Variants in DNAJB6 observed in about 807,000 individuals in gnomAD.
DNAJB6 encodes DnaJ heat shock protein family (Hsp40) member B6.
A neutral mutation model predicts 42.7 loss-of-function variants in DNAJB6; 16 were observed. That is an observed-to-expected ratio of 0.37 (90% confidence interval 0.25 to 0.57). The LOEUF (loss-of-function observed/expected upper bound fraction) is 0.57, where lower values mean the gene tolerates loss of function less well. Among genes scored for constraint, DNAJB6 ranks in the 20% least tolerant of loss-of-function variants. The pLI is 0.74. For missense variants in DNAJB6, 347 were observed against 416.8 expected (o/e 0.83, Z 1.46); for synonymous variants, 170 against 163.5 (o/e 1.04, Z -0.30).
intron 1 of DNAJB6, among the ~76,000 whole-genome samples, chr7:157,354,197 G>A (rs952458913): frequency 2.0e-5 from 3 of 152,098 alleles, no homozygotes; most frequent in Non-Finnish European, 4.4e-5. Flanking sequence ...GCCCAGGCTG[G>A]AGTGCAATGG....
intron 8 of DNAJB6, among the ~76,000 whole-genome samples, chr7:157,391,029 T>A (rs1801314651): frequency 1.3e-5 from 2 of 152,090 alleles, no homozygotes; most frequent in South Asian, 4.1e-4. Context: ...GGAGACAGGG[T>A]TTTGCCGTGT....
chr7:157,399,162 T>G (rs1272240909), intron 8 of DNAJB6, among the ~76,000 whole-genome samples: 1 of 152,208 alleles, frequency 6.6e-6, no homozygotes, highest in Non-Finnish European at 1.5e-5. Context: ...ACAAGTTTGT[T>G]GGGGGCTCTT....
intron 5 of DNAJB6, among the ~76,000 whole-genome samples, chr7:157,376,032 G>C (rs1800455665): frequency 6.6e-6 from 1 of 152,192 alleles, no homozygotes; most frequent in Non-Finnish European, 1.5e-5. Context: ...GGCTGGGAGT[G>C]TGCTGAGGAA....
Position 157,339,650 on chromosome 7 carries a change from A to AT in DNAJB6, c.-27+2507dup, listed in dbSNP as rs1798250288. ...GTGTGTGTGTGTGTGTGTGTGTGAG[A>AT]TGGAGTTTAGCTCTTGCCCCTGCTG... On this transcript the variant is annotated intron_variant, in intron 1 of 9. Coordinates refer to ENST00000262177, the MANE Select transcript of DNAJB6 (RefSeq NM_058246.4). Among the ~76,000 whole-genome samples the AT allele has an allele frequency of 2.7e-5, 3 of 111,034 alleles. No individual in the cohort carries two copies. In the Admixed American group the frequency reaches 3.1e-4, roughly 12 times the overall value. The allele number at this position is 111,034 out of a possible 152,430, so 72.8% of individuals were successfully genotyped here. A position where few individuals can be genotyped will look rare whatever the true frequency, so the allele number is the denominator to read the frequency against.
chr7:157,396,307 C>G (rs1179038583), intron 8 of DNAJB6, among the ~76,000 whole-genome samples: 1 of 152,206 alleles, frequency 6.6e-6, no homozygotes, highest in African/African-American at 2.4e-5. Context: ...CCTCCAGCGC[C>G]TCAGCCTAAC....
At chr7:157,386,365 G>C (rs1801057984) in intron 8 of DNAJB6, 1 of 968,818 alleles carries the variant, frequency 1.0e-6, no homozygotes, top group African/African-American at 1.8e-5. Flanking sequence ...TGGGCTTCTA[G>C]TGTCACTTTA....
rs181826439 is a variant in DNAJB6 at position 157,401,390 on chromosome 7, T to G, written c.692-8405T>G. 2.4e-4 allele frequency among the ~76,000 whole-genome samples: 36 copies of G among 152,250 alleles called. No homozygotes were observed. The East Asian group carries it at 6.0e-3, about 25-fold the overall frequency. ...GCCACCACACCCCGCTAATTTTGTA[T>G]TTTTAGTAGAGACGGGGTTTCTCCA... is the stretch of plus-strand genomic sequence containing the variant. On this transcript the variant is annotated intron_variant, in intron 8 of 9. Transcript: ENST00000262177.
At chr7:157,397,389 G>A (rs1322803410) in intron 8 of DNAJB6, among the ~76,000 whole-genome samples, 1 of 152,194 alleles carries the variant, frequency 6.6e-6, no homozygotes, top group Non-Finnish European at 1.5e-5. Context: ...GCAGGTGCTG[G>A]GCCGGAACCT....
intron 1 of DNAJB6, among the ~76,000 whole-genome samples, chr7:157,339,090 A>G (rs1798203513): frequency 6.6e-6 from 1 of 152,146 alleles, no homozygotes; most frequent in Non-Finnish European, 1.5e-5. Flanking sequence ...TGTGAAGACT[A>G]AAATATGCAT....
intron 3 of DNAJB6, among the ~76,000 whole-genome samples, chr7:157,365,596 T>G (rs1799803339): frequency 6.6e-6 from 1 of 152,228 alleles, no homozygotes; most frequent in Admixed American, 6.5e-5. Context: ...CTTGGTCGTG[T>G]GATTTTAATG....
intron 1 of DNAJB6, among the ~76,000 whole-genome samples, chr7:157,353,319 T>C (rs1016119636): frequency 3.9e-5 from 6 of 152,154 alleles, no homozygotes; most frequent in African/African-American, 1.4e-4. Context: ...ACAGAAAAGT[T>C]GTAAAGATAG....
Position 157,367,182 on chromosome 7 carries a change from T to G in DNAJB6, c.236-191T>G, listed in dbSNP as rs532963658. 3.3e-5 allele frequency among the ~76,000 whole-genome samples: 5 copies of G among 152,386 alleles called. 1 individual carries two copies. In the East Asian group the frequency reaches 9.6e-4, roughly 29 times the overall value. On this transcript the variant is annotated intron_variant, in intron 4 of 9. Transcript: ENST00000262177. The stretch of plus-strand genomic sequence containing the variant: ...CGAAGGGGCCACTGCTGCACTCATA[T>G]GCCATCAGCGCTGGGCACACTCACT...
At chr7:157,353,546 T>C (rs1039963266) in intron 1 of DNAJB6, among the ~76,000 whole-genome samples, 5 of 152,042 alleles carry the variant, frequency 3.3e-5, no homozygotes, top group African/African-American at 1.2e-4. Flanking sequence ...TCATTTACTC[T>C]TAGTTACAGG....
chr7:157,369,382 A>AGT (rs1563127603), intron 5 of DNAJB6: 4 of 456,566 alleles, frequency 8.8e-6, no homozygotes, highest in Admixed American at 7.1e-5. Context: ...TTTGGGTTGA[A>AGT]GTCCTGTGTT....
chr7:157,389,405 G>C (rs1286036245), intron 8 of DNAJB6, among the ~76,000 whole-genome samples: 1 of 152,214 alleles, frequency 6.6e-6, no homozygotes, highest in Non-Finnish European at 1.5e-5. Flanking sequence ...AATGGAGGCA[G>C]ATGTTGTTAT....
At chr7:157,346,890 C>A (rs1798716390) in intron 1 of DNAJB6, among the ~76,000 whole-genome samples, 2 of 152,162 alleles carry the variant, frequency 1.3e-5, no homozygotes, top group Non-Finnish European at 2.9e-5. Flanking sequence ...GAGTCTTGCT[C>A]TGTCGCCCAG....
At chr7:157,394,568 T>G (rs185604449) in intron 8 of DNAJB6, among the ~76,000 whole-genome samples, 156 of 152,278 alleles carry the variant, frequency 1.0e-3, no homozygotes, top group African/African-American at 3.6e-3. Context: ...TCTAGAACAT[T>G]TGTGTGAAGT....
chr7:157,342,055 G>A (rs993519392), intron 1 of DNAJB6, among the ~76,000 whole-genome samples: 9 of 152,164 alleles, frequency 5.9e-5, no homozygotes, highest in Non-Finnish European at 1.3e-4. Flanking sequence ...TTAGTAGAGA[G>A]TGGGTTTTGC....
intron 8 of DNAJB6, among the ~76,000 whole-genome samples, chr7:157,392,100 A>T (rs910693539): frequency 1.3e-4 from 3 of 23,612 alleles, no homozygotes; most frequent in Non-Finnish European, 2.5e-4. Context: ...ACCCTGTCTC[A>T]AAAAAAAAAA....
Sources: allele counts gnomAD v4.1 joint callset (sites outside exome capture counted in the v4.1 genomes callset), GRCh38; gene constraint gnomAD v4.1.1; transcripts MANE v1.5; gene names NCBI Gene and HGNC (gene_info 2026-07-23, HGNC 2026-07-21).